The following LIPA variants were observed in gnomAD, a reference collection of about 807,000 sequenced individuals.
LIPA encodes lysosomal acid lipase/cholesteryl ester hydrolase.
A neutral mutation model predicts 40.6 loss-of-function variants in LIPA; 26 were observed. The observed-to-expected ratio is 0.64, with a 90% CI of 0.47 to 0.89. The LOEUF (loss-of-function observed/expected upper bound fraction) is 0.89, where lower values mean the gene tolerates loss of function less well. Ranked by LOEUF, LIPA falls within the 40% of genes least tolerant of loss-of-function variation. The pLI is 0.00. For missense variants in LIPA, 455 were observed against 479.6 expected, an observed-to-expected ratio of 0.95 and a Z score of 0.48; for synonymous variants, 188 against 168.4, an observed-to-expected ratio of 1.12 and a Z score of -0.90.
rs528452160 is a variant in LIPA, at chr10:89,407,668, T to G, written c.61+5123A>C. On this transcript the variant is annotated intron_variant, in intron 2 of 8. Coordinates refer to the LIPA transcript ENST00000371837. ...AGGGTATGGCCCTCTACTTCATTTTTGGGGCATAACATCTTTATAGGACAC... is the reference window on the plus strand; with the variant it reads ...AGGGTATGGCCCTCTACTTCATTTTGGGGGCATAACATCTTTATAGGACAC... 3.9e-5 allele frequency among the ~76,000 whole-genome samples: 6 copies of G among 152,302 alleles called. No homozygotes were observed. The South Asian group carries it at 1.2e-3, about 32-fold the overall frequency.
chr10:89,295,360 G>A (rs1843407405), intron 1 of LIPA, among the ~76,000 whole-genome samples: 1 of 151,852 alleles, frequency 6.6e-6, no homozygotes, highest in African/African-American at 2.4e-5. Context: ...CAAAAAAGAG[G>A]GTCAAATTTT....
chr10:89,403,297 T>G, intron 2 of LIPA: 2 of 1,614,080 alleles, frequency 1.2e-6, no homozygotes, highest in South Asian at 2.2e-5. Context: ...ACATTTGAGG[T>G]GGCTCATCTA....
intron 2 of LIPA, among the ~76,000 whole-genome samples, chr10:89,399,867 C>T (rs1844397319): frequency 6.6e-6 from 1 of 151,612 alleles, no homozygotes; most frequent in Non-Finnish European, 1.5e-5. Flanking sequence ...AAAGCTCACT[C>T]TCTCTCTCTC....
intron 1 of LIPA, among the ~76,000 whole-genome samples, chr10:89,250,098 C>CTTTCTTTTTTTTTTTTTTTTTT (rs1564767178): frequency 4.9e-5 from 5 of 101,682 alleles, no homozygotes; most frequent in Non-Finnish European, 9.7e-5. Flanking sequence ...TTTTTCTTTT[C>CTTTCTTTTTTTTTTTTTTTTTT]TTTTCTTTCT....
chr10:89,326,198 C>G (rs2133535626), intron 1 of LIPA, among the ~76,000 whole-genome samples: 1 of 152,330 alleles, frequency 6.6e-6, no homozygotes, highest in African/African-American at 2.4e-5. Context: ...AAGTGTCCAT[C>G]AGCAGAAGAA....
At chr10:89,322,896 T>A (rs1040770379) in intron 1 of LIPA, among the ~76,000 whole-genome samples, 1 of 152,158 alleles carries the variant, frequency 6.6e-6, no homozygotes, top group Non-Finnish European at 1.5e-5. Context: ...CTGCCACTGG[T>A]TGCCAGGCAG....
intron 1 of LIPA, among the ~76,000 whole-genome samples, chr10:89,286,678 G>T (rs1014383773): frequency 6.6e-6 from 1 of 151,958 alleles, no homozygotes. Context: ...TCAAAAGGCC[G>T]TCTTATTCTC....
chr10:89,215,006 C>T lies in LIPA; in HGVS notation c.1022G>A (p.Ser341Asn). Residue 341 changes from serine to asparagine, a missense_variant, in exon 10 of 10, where the codon AGC becomes AAC. Ser to Asn is a conservative substitution (Grantham distance 46). Transcript: ENST00000336233. ...KDMLVPTAVW[S>N]GGHDWLADVY... ...ATCTGCAAGCCAGTCGTGACCCCCG[C>T]TCCAGACTGCAGTCGGCACAAGCAT... is the stretch of plus-strand genomic sequence containing the variant. 6.2e-7 allele frequency: 1 copy of T among 1,614,206 alleles called. No homozygotes were observed. Among genetic ancestry groups the T allele is most frequent in the Non-Finnish European group, 8.5e-7 (1 of 1,180,012 alleles).
intron 2 of LIPA, chr10:89,392,652 G>C: frequency 6.3e-7 from 1 of 1,595,966 alleles, no homozygotes; most frequent in Non-Finnish European, 8.6e-7. Flanking sequence ...AGAATAGCCA[G>C]ATCTCAGAGG....
At chr10:89,388,929 G>A (rs1039219948) in intron 2 of LIPA, among the ~76,000 whole-genome samples, 2 of 152,142 alleles carry the variant, frequency 1.3e-5, no homozygotes, top group African/African-American at 4.8e-5. Context: ...GAGAAGATAT[G>A]TAAATCATCA....
chr10:89,413,017 A>G (rs1841488025), intron 1 of LIPA: 1 of 174,316 alleles, frequency 5.7e-6, no homozygotes, highest in Non-Finnish European at 1.3e-5. Flanking sequence ...CACCACCCCC[A>G]ACTCCAACAA....
intron 2 of LIPA, among the ~76,000 whole-genome samples, chr10:89,388,795 A>T (rs1286973650): frequency 2.4e-5 from 2 of 84,766 alleles, no homozygotes; most frequent in Non-Finnish European, 2.6e-5. Flanking sequence ...CCTGAAATGT[A>T]AAAAAAAAAA....
intron 1 of LIPA, among the ~76,000 whole-genome samples, chr10:89,250,008 G>T (rs192085966): frequency 4.6e-5 from 7 of 152,070 alleles, no homozygotes; most frequent in Admixed American, 2.0e-4. Flanking sequence ...CCCTTCTGTT[G>T]ATGGAATTCC....
intron 1 of LIPA, among the ~76,000 whole-genome samples, chr10:89,305,296 G>A (rs377197341): frequency 1.0e-3 from 155 of 152,140 alleles, no homozygotes; most frequent in Middle Eastern, 3.4e-3. Context: ...GCATGTTAAA[G>A]TAATAAACCA....
chr10:89,297,940 C>T (rs1385707857), intron 1 of LIPA, among the ~76,000 whole-genome samples: 2 of 152,226 alleles, frequency 1.3e-5, no homozygotes, highest in East Asian at 1.9e-4. Context: ...ACCTAAAGAA[C>T]AGCGTCTCTC....
intron 1 of LIPA, among the ~76,000 whole-genome samples, chr10:89,316,316 G>C (rs1320706518): frequency 2.6e-5 from 4 of 152,214 alleles, no homozygotes; most frequent in Non-Finnish European, 4.4e-5. Flanking sequence ...CCCTTTCCTA[G>C]CCAAGGGAAG....
At chr10:89,229,298 A>T (rs1159696716) in intron 3 of LIPA, among the ~76,000 whole-genome samples, 1 of 152,244 alleles carries the variant, frequency 6.6e-6, no homozygotes, top group Non-Finnish European at 1.5e-5. Flanking sequence ...AGAGAGAGTA[A>T]AAAAGATCCT....
intron 1 of LIPA, among the ~76,000 whole-genome samples, chr10:89,326,381 A>G (rs1843599800): frequency 2.7e-5 from 4 of 150,608 alleles, no homozygotes; most frequent in Admixed American, 2.7e-4. Flanking sequence ...GAAGCTAAAA[A>G]TATTAAGACA....
chr10:89,384,406 A>G (rs1450111598), intron 2 of LIPA: 2 of 1,614,076 alleles, frequency 1.2e-6, no homozygotes, highest in African/African-American at 2.7e-5. Context: ...ACATTTTCAG[A>G]AAGGGTTACG....
Sources: allele counts gnomAD v4.1 joint callset (sites outside exome capture counted in the v4.1 genomes callset), GRCh38; gene constraint gnomAD v4.1.1; transcripts MANE v1.5; gene names NCBI Gene and HGNC (gene_info 2026-07-23, HGNC 2026-07-21).